The following XYLT1 variants were observed in gnomAD, a reference collection of about 807,000 sequenced individuals.
The protein encoded by XYLT1 is beta-D-xylosyltransferase 1.
A neutral mutation model predicts 91.3 loss-of-function variants in XYLT1; 36 were observed. The observed-to-expected ratio is 0.39, with a 90% CI of 0.30 to 0.52. The LOEUF (loss-of-function observed/expected upper bound fraction) is 0.52, where lower values mean the gene tolerates loss of function less well. Among genes scored for constraint, XYLT1 ranks in the 20% least tolerant of loss-of-function variants. The pLI is 0.68. For synonymous variants in XYLT1, 588 were observed against 532.0 expected (o/e 1.11, Z -1.45); for missense variants, 1,242 against 1,284.5 (o/e 0.97, Z 0.51).
chr16:17,256,335 G>A (rs915302479), intron 3 of XYLT1, among the ~76,000 whole-genome samples: 1 of 152,072 alleles, frequency 6.6e-6, no homozygotes, highest in Non-Finnish European at 1.5e-5. Flanking sequence ...TGAGCCTCAT[G>A]TTCTTATCTG....
intron 2 of XYLT1, among the ~76,000 whole-genome samples, chr16:17,314,507 A>G (rs1432896610): frequency 3.3e-5 from 5 of 152,204 alleles, no homozygotes; most frequent in Non-Finnish European, 5.9e-5. Flanking sequence ...TTGCTCCTCC[A>G]TGAATGGCAG....
chr16:17,259,560 G>A, intron 2 of XYLT1, 62 bp from the exon 3 acceptor site: 1 of 1,557,608 alleles, frequency 6.4e-7, no homozygotes, highest in Non-Finnish European at 8.7e-7. Flanking sequence ...TAAGCAGACT[G>A]GCCTTTGAAG....
intron 5 of XYLT1, among the ~76,000 whole-genome samples, chr16:17,192,163 A>T (rs2032326045): frequency 7.2e-6 from 1 of 139,012 alleles, no homozygotes; most frequent in Admixed American, 7.9e-5. Context: ...CAATGTCATG[A>T]TCTCAGCTCT....
chr16:17,314,735 A>G (rs2034600596), intron 2 of XYLT1, among the ~76,000 whole-genome samples: 1 of 152,232 alleles, frequency 6.6e-6, no homozygotes, highest in Non-Finnish European at 1.5e-5. Context: ...AACCAAAGCT[A>G]ACAGAATAAT....
chr16:17,328,171 T>C (rs1197992244), intron 2 of XYLT1, among the ~76,000 whole-genome samples: 1 of 152,176 alleles, frequency 6.6e-6, no homozygotes, highest in African/African-American at 2.4e-5. Context: ...AGCCTATTTT[T>C]CTCTGTATTC....
intron 1 of XYLT1, among the ~76,000 whole-genome samples, chr16:17,425,166 C>T (rs981088581): frequency 6.6e-6 from 1 of 152,172 alleles, no homozygotes; most frequent in Non-Finnish European, 1.5e-5. Flanking sequence ...TCCCTTGAAG[C>T]ACCTCGTAAA....
At chr16:17,353,840 C>T (rs1001955300) in intron 2 of XYLT1, among the ~76,000 whole-genome samples, 32 of 152,182 alleles carry the variant, frequency 2.1e-4, no homozygotes, top group Admixed American at 1.6e-3. Context: ...AATAGGAAAG[C>T]AGTTGAGAAG....
intron 11 of XYLT1, among the ~76,000 whole-genome samples, chr16:17,113,529 G>A (rs1966846401): frequency 6.6e-6 from 1 of 152,186 alleles, no homozygotes; most frequent in Non-Finnish European, 1.5e-5. Flanking sequence ...GGCACTTTAG[G>A]ACTCAGCAAA....
chr16:17,140,825 C>T (rs1197015449), intron 7 of XYLT1, among the ~76,000 whole-genome samples: 3 of 152,120 alleles, frequency 2.0e-5, no homozygotes, highest in African/African-American at 7.2e-5. Flanking sequence ...GGAAAATAGC[C>T]ATAAGGTTCT....
intron 1 of XYLT1, among the ~76,000 whole-genome samples, chr16:17,390,808 G>A (rs72781598): frequency 0.29 from 43,722 of 152,154 alleles, 7,400 homozygotes; most frequent in Non-Finnish European, 0.4. Flanking sequence ...GCCTGAGATT[G>A]GTGGATTGCC....
At chr16:17,166,739 C>T (rs1403868914) in intron 5 of XYLT1, among the ~76,000 whole-genome samples, 1 of 150,716 alleles carries the variant, frequency 6.6e-6, no homozygotes, top group Non-Finnish European at 1.5e-5. Context: ...CCAGGCTGGT[C>T]CTGACCTCAG....
At chr16:17,198,788 G>A (rs2032480247) in intron 4 of XYLT1, among the ~76,000 whole-genome samples, 4 of 151,832 alleles carry the variant, frequency 2.6e-5, no homozygotes, top group South Asian at 4.2e-4. Flanking sequence ...TCCGTCACCC[G>A]GGCTGGAACA....
At chr16:17,286,344 G>A (rs1382036625) in intron 2 of XYLT1, among the ~76,000 whole-genome samples, 1 of 152,164 alleles carries the variant, frequency 6.6e-6, no homozygotes, top group Non-Finnish European at 1.5e-5. Context: ...GAAGGGGATG[G>A]CAGATGGAAA....
chr16:17,176,105 C>A (rs753806842), intron 5 of XYLT1, among the ~76,000 whole-genome samples: 10 of 152,208 alleles, frequency 6.6e-5, no homozygotes, highest in Non-Finnish European at 1.5e-4. Flanking sequence ...ACCACAGCCA[C>A]TGCAGCCACA....
chr16:17,408,868 A>T (rs1483125761), intron 1 of XYLT1, among the ~76,000 whole-genome samples: 1 of 152,124 alleles, frequency 6.6e-6, no homozygotes, highest in Non-Finnish European at 1.5e-5. Context: ...AACAAAACAA[A>T]AAAAAAGAGT....
chr16:17,246,311 C>T (rs2033435006), intron 3 of XYLT1, among the ~76,000 whole-genome samples: 1 of 152,190 alleles, frequency 6.6e-6, no homozygotes, highest in African/African-American at 2.4e-5. Context: ...AGAGCAGTTT[C>T]TTGTATAGAG....
intron 1 of XYLT1, among the ~76,000 whole-genome samples, chr16:17,379,980 G>A (rs568925718): frequency 1.3e-5 from 2 of 152,224 alleles, no homozygotes; most frequent in African/African-American, 4.8e-5. Context: ...TTTGTGTCTG[G>A]CAACAATGCT....
At chr16:17,245,976 G>T (rs1313723165) in intron 3 of XYLT1, among the ~76,000 whole-genome samples, 1 of 152,212 alleles carries the variant, frequency 6.6e-6, no homozygotes, top group Non-Finnish European at 1.5e-5. Context: ...TGACTGTGTG[G>T]GTGGGTCTCA....
intron 2 of XYLT1, among the ~76,000 whole-genome samples, chr16:17,273,284 C>T (rs947065095): frequency 6.6e-6 from 1 of 152,190 alleles, no homozygotes; most frequent in Admixed American, 6.5e-5. Context: ...TCAAAGGCCA[C>T]ACAAGCTGTG....
Sources: gnomAD v4.1 joint callset for allele counts (sites outside exome capture counted in the v4.1 genomes callset) on GRCh38, gnomAD v4.1.1 for gene constraint, MANE v1.5 for transcripts, NCBI Gene and HGNC (gene_info 2026-07-23, HGNC 2026-07-21) for gene names.